The following NCOA5 variants were observed in gnomAD, a reference collection of about 807,000 sequenced individuals.
The protein encoded by NCOA5 is NCoA-5.
Under a neutral mutation model 59.0 loss-of-function variants are expected in NCOA5, and 12 were observed. The ratio of observed to expected loss-of-function variants is 0.20; its 90% CI spans 0.13 to 0.33. The LOEUF is 0.33. Ranked by LOEUF, NCOA5 falls within the 10% of genes least tolerant of loss-of-function variation. NCOA5 has a pLI of 1.00. For synonymous variants in NCOA5, 270 were observed against 275.5 expected (o/e 0.98, Z 0.20); for missense variants, 655 against 766.6 (o/e 0.85, Z 1.72).
intron 2 of NCOA5, among the ~76,000 whole-genome samples, chr20:46,073,425 T>G (rs1017701946): frequency 2.6e-5 from 4 of 152,246 alleles, no homozygotes; most frequent in Non-Finnish European, 5.9e-5. Context: ...AAGTAAAGAC[T>G]AACCAAGATT....
chr20:46,089,117 C>T (rs1273612635), intron 1 of NCOA5, among the ~76,000 whole-genome samples: 1 of 152,240 alleles, frequency 6.6e-6, no homozygotes, highest in Non-Finnish European at 1.5e-5. Context: ...CTAAGAGAAG[C>T]CCCTCGCCCG....
chr20:46,086,530 C>A (rs1328726836), intron 1 of NCOA5, among the ~76,000 whole-genome samples: 3 of 152,102 alleles, frequency 2.0e-5, no homozygotes, highest in Admixed American at 6.5e-5. Context: ...AGTGGCTTTA[C>A]CCTGATCCTG....
At chr20:46,075,178 A>C (rs533136650) in intron 2 of NCOA5, among the ~76,000 whole-genome samples, 2 of 152,222 alleles carry the variant, frequency 1.3e-5, no homozygotes, top group African/African-American at 2.4e-5. Flanking sequence ...GTGCAATGAG[A>C]TATCACACCT....
intron 2 of NCOA5, among the ~76,000 whole-genome samples, chr20:46,072,616 G>A (rs1176626447): frequency 1.3e-5 from 2 of 152,082 alleles, no homozygotes; most frequent in Admixed American, 1.3e-4. Flanking sequence ...ACCACTCTTT[G>A]CCACACCGGC....
Position 46,069,768 on chromosome 20 carries a change from A to G in NCOA5, c.365+442T>C, listed in dbSNP as rs141397138. ...AAAAAATCCATTAATCTGCTGATAGACATCTGGAGTGTTTTTACCTTTTGG... is the reference window on the plus strand; with the variant it reads ...AAAAAATCCATTAATCTGCTGATAGGCATCTGGAGTGTTTTTACCTTTTGG... On this transcript the variant is annotated intron_variant, in intron 3 of 7. Coordinates refer to ENST00000290231, the MANE Select transcript of NCOA5 (RefSeq NM_020967.3). Among the ~76,000 whole-genome samples, 8 of 152,186 alleles carry G rather than the reference A, an allele frequency of 5.3e-5. No individual in the cohort carries two copies. In the East Asian group the frequency reaches 1.5e-3, roughly 29 times the overall value.
At position 46,062,273 on chromosome 20, in the gene NCOA5, G is replaced by C; in HGVS notation, c.*27C>G. The stretch of plus-strand genomic sequence containing the variant: ...GTGGGAGGAGGCCAGGGGATGAGGG[G>C]ACTGGGGAGAGTTGAAAGATTTAGC... On this transcript the variant is annotated 3_prime_UTR_variant, in exon 8 of 8. Transcript: ENST00000290231. 1 of 1,574,766 alleles carries C rather than the reference G, an allele frequency of 6.4e-7. No individual in the cohort carries two copies. Among genetic ancestry groups the C allele is most frequent in the Non-Finnish European group, 8.7e-7 (1 of 1,150,274 alleles).
Position 46,080,937 on chromosome 20 carries a change from T to C in NCOA5, c.-29-1484A>G, listed in dbSNP as rs557681736. On this transcript the variant is annotated intron_variant, in intron 1 of 7. Transcript: ENST00000290231. Reference sequence around the variant, plus strand: ...ATAATGGTCTAAATTACAAATTATATAATGACAGGCCTTATAGGGAATATC... The same window carrying C: ...ATAATGGTCTAAATTACAAATTATACAATGACAGGCCTTATAGGGAATATC... Among the ~76,000 whole-genome samples, 21 of 152,268 alleles carry C rather than the reference T, an allele frequency of 1.4e-4. No homozygotes were observed. In the South Asian group the frequency reaches 3.7e-3, roughly 27 times the overall value.
At chr20:46,086,765 G>A (rs2085049543) in intron 1 of NCOA5, among the ~76,000 whole-genome samples, 2 of 152,258 alleles carry the variant, frequency 1.3e-5, no homozygotes, top group African/African-American at 4.8e-5. Flanking sequence ...GGTACAGAGA[G>A]GAAATACAGC....
intron 1 of NCOA5, among the ~76,000 whole-genome samples, chr20:46,082,614 T>G (rs1156945861): frequency 6.6e-6 from 1 of 152,210 alleles, no homozygotes; most frequent in African/African-American, 2.4e-5. Flanking sequence ...TGGGTGATAC[T>G]TCTATACTTT....
In NCOA5 at chr20:46,062,547, C is replaced by A. The variant is rs781272346; in HGVS notation, c.1493G>T (p.Gly498Val). The A allele has an allele frequency of 1.2e-6, 2 of 1,614,158 alleles. No homozygotes were observed. Among genetic ancestry groups the A allele is most frequent in the South Asian group, 2.2e-5 (2 of 91,082 alleles). ...LGQGGSAQNM[G>V]PRPGAPSQGL... ...TTGGGAAGGAGCCCCAGGTCTGGGG[C>A]CCATGTTCTGAGCAGATCCTCCCTG... Residue 498 changes from glycine (G) to valine (V), a missense_variant, in exon 8 of 8, where the codon GGC becomes GTC. Gly to Val is a moderately radical substitution (Grantham distance 109). This residue lies in a region of NCOA5 where 325 missense variants were observed against 353.2 expected (regional missense o/e 0.92). Transcript: ENST00000290231.
At chr20:46,073,267 A>C (rs1299562630) in intron 2 of NCOA5, among the ~76,000 whole-genome samples, 1 of 152,206 alleles carries the variant, frequency 6.6e-6, no homozygotes, top group Non-Finnish European at 1.5e-5. Context: ...GCACAGCAAA[A>C]ACAATTTAAA....
chr20:46,086,948 C>T (rs796561251), intron 1 of NCOA5, among the ~76,000 whole-genome samples: 3 of 152,198 alleles, frequency 2.0e-5, no homozygotes, highest in Admixed American at 2.0e-4. Context: ...TATATCTCAA[C>T]ATTTCCCAAT....
intron 1 of NCOA5, among the ~76,000 whole-genome samples, chr20:46,081,690 G>A (rs537179898): frequency 6.6e-6 from 1 of 152,014 alleles, no homozygotes; most frequent in Non-Finnish European, 1.5e-5. Flanking sequence ...AGTGTAGTAT[G>A]TCAAGTATCT....
chr20:46,088,260 C>T (rs2085064690), intron 1 of NCOA5, among the ~76,000 whole-genome samples: 1 of 152,132 alleles, frequency 6.6e-6, no homozygotes, highest in African/African-American at 2.4e-5. Context: ...TATGGATTCG[C>T]TGGGACATTC....
intron 1 of NCOA5, among the ~76,000 whole-genome samples, chr20:46,081,518 A>G (rs1333335306): frequency 6.6e-6 from 1 of 152,156 alleles, no homozygotes; most frequent in East Asian, 1.9e-4. Context: ...ATTAAAGAAT[A>G]TTCAAGATTA....
At chr20:46,074,806 C>T (rs1391922106) in intron 2 of NCOA5, among the ~76,000 whole-genome samples, 2 of 152,220 alleles carry the variant, frequency 1.3e-5, no homozygotes, top group Non-Finnish European at 2.9e-5. Flanking sequence ...TTGAATTTCT[C>T]TTTGGCAAGA....
chr20:46,085,314 A>T (rs1322901079), intron 1 of NCOA5, among the ~76,000 whole-genome samples: 2 of 152,108 alleles, frequency 1.3e-5, no homozygotes, highest in Non-Finnish European at 2.9e-5. Context: ...GGCATGAGTC[A>T]CCATGCCTGG....
chr20:46,078,313 C>G (rs1330455184), intron 2 of NCOA5, among the ~76,000 whole-genome samples: 1 of 152,188 alleles, frequency 6.6e-6, no homozygotes, highest in Non-Finnish European at 1.5e-5. Context: ...AAGCAGGTAA[C>G]AAAATACAGG....
Position 46,079,415 on chromosome 20 carries a change from C to G in NCOA5, c.10G>C (p.Ala4Pro). Residue 4 changes from alanine to proline, a missense_variant, in exon 2 of 8, where the codon GCT becomes CCT. Coordinates refer to ENST00000290231, the MANE Select transcript of NCOA5 (RefSeq NM_020967.3). ...CGTGTGGGGCTGGGTCTTGATGGAGCCGTATTCATATTTCTTCTTTCCGCT... is the reference window on the plus strand; with the variant it reads ...CGTGTGGGGCTGGGTCTTGATGGAGGCGTATTCATATTTCTTCTTTCCGCT... The part of the protein sequence containing the change: MNT[A>P]PSRPSPTRRD... The G allele has an allele frequency of 4.3e-6, 7 of 1,613,864 alleles. No homozygotes were observed. Among genetic ancestry groups the G allele is most frequent in the Non-Finnish European group, 5.9e-6 (7 of 1,179,916 alleles).
Sources: gnomAD v4.1 joint callset for allele counts (sites outside exome capture counted in the v4.1 genomes callset) on GRCh38, gnomAD v4.1.1 for gene constraint, gnomAD v4.1.1 regional missense constraint, MANE v1.5 for transcripts, NCBI Gene and HGNC (gene_info 2026-07-23, HGNC 2026-07-21) for gene names.